EYS: variants seen among roughly 807,000 people sequenced by gnomAD.
The protein encoded by EYS is EGF-like photoreceptor maintenance factor.
In EYS, 250 loss-of-function variants were observed where a neutral mutation model predicts 282.1. The ratio of observed to expected loss-of-function variants is 0.89; its 90% CI spans 0.80 to 0.98. The LOEUF is 0.98. Among genes scored for constraint, EYS ranks in the 50% least tolerant of loss-of-function variants. The pLI is 0.00. For synonymous variants in EYS, 1,355 were observed against 1,282.9 expected, an observed-to-expected ratio of 1.06 and a Z score of -1.20; for missense variants, 4,016 against 3,709.0, an observed-to-expected ratio of 1.08 and a Z score of -2.15.
intron 2 of EYS, among the ~76,000 whole-genome samples, chr6:65,631,475 GAA>G (rs5876981): frequency 2.7e-4 from 38 of 143,320 alleles, no homozygotes; most frequent in African/African-American, 6.4e-4. Context: ...AACATGAATG[GAA>G]AAAAAAAAAA....
chr6:63,890,117 G>T (rs1773370595), intron 35 of EYS, among the ~76,000 whole-genome samples: 4 of 152,190 alleles, frequency 2.6e-5, no homozygotes, highest in African/African-American at 9.7e-5. Context: ...CATAAAGCAA[G>T]TTCCTAGAGA....
intron 8 of EYS, among the ~76,000 whole-genome samples, chr6:65,384,112 G>A (rs1283527212): frequency 3.3e-5 from 5 of 151,672 alleles, no homozygotes; most frequent in Non-Finnish European, 5.9e-5. Context: ...AGTAACTGGG[G>A]TTTTATATAC....
chr6:65,160,727 T>C (rs147868055), intron 12 of EYS, among the ~76,000 whole-genome samples: 1 of 151,048 alleles, frequency 6.6e-6, no homozygotes, highest in African/African-American at 2.4e-5. Flanking sequence ...AAATTATATT[T>C]CCTTAAAAAT....
intron 28 of EYS, among the ~76,000 whole-genome samples, chr6:64,391,202 C>T (rs1203514463): frequency 1.3e-5 from 2 of 151,874 alleles, no homozygotes; most frequent in East Asian, 1.9e-4. Flanking sequence ...AAACACTCTG[C>T]AGGATATTAT....
At chr6:63,825,403 T>A (rs541330575) in intron 36 of EYS, among the ~76,000 whole-genome samples, 11 of 152,268 alleles carry the variant, frequency 7.2e-5, no homozygotes, top group African/African-American at 2.4e-4. Flanking sequence ...CTATAGCTGT[T>A]CTGGAAAATG....
intron 22 of EYS, among the ~76,000 whole-genome samples, chr6:64,776,295 A>G (rs773737980): frequency 7.2e-5 from 11 of 152,070 alleles, no homozygotes; most frequent in Non-Finnish European, 1.6e-4. Context: ...GTTTCACAGG[A>G]TGAGTTTTAA....
intron 2 of EYS, among the ~76,000 whole-genome samples, chr6:65,600,742 A>G (rs1256313654): frequency 6.6e-6 from 1 of 152,008 alleles, no homozygotes; most frequent in Non-Finnish European, 1.5e-5. Context: ...TAATTATGTT[A>G]GTTGCATGAA....
At chr6:64,504,743 A>G (rs1312288053) in intron 26 of EYS, among the ~76,000 whole-genome samples, 3 of 152,208 alleles carry the variant, frequency 2.0e-5, no homozygotes, top group Non-Finnish European at 2.9e-5. Context: ...GCAACAGCAC[A>G]GATGTGAAAA....
At chr6:64,185,981 A>G (rs1019290239) in intron 31 of EYS, among the ~76,000 whole-genome samples, 9 of 152,186 alleles carry the variant, frequency 5.9e-5, no homozygotes, top group African/African-American at 1.9e-4. Context: ...GCTAAAAAGC[A>G]TCATTGTGAT....
chr6:63,878,278 G>A (rs1275614933), intron 35 of EYS, among the ~76,000 whole-genome samples: 1 of 152,194 alleles, frequency 6.6e-6, no homozygotes, highest in Non-Finnish European at 1.5e-5. Context: ...ACCAGTGGAG[G>A]CTGCAGAACA....
At chr6:64,860,277 G>T (rs1766195199) in intron 19 of EYS, among the ~76,000 whole-genome samples, 1 of 152,194 alleles carries the variant, frequency 6.6e-6, no homozygotes, top group Non-Finnish European at 1.5e-5. Context: ...CCCAAGTCTT[G>T]GTCAGGGCCA....
chr6:64,876,569 G>C (rs9345562), intron 19 of EYS, among the ~76,000 whole-genome samples: 23,561 of 152,050 alleles, frequency 0.15, 2,159 homozygotes, highest in East Asian at 0.49. Flanking sequence ...TGTTCAAGGA[G>C]ATTTAATTCA....
intron 35 of EYS, among the ~76,000 whole-genome samples, chr6:63,865,515 G>T (rs1772650749): frequency 6.6e-6 from 1 of 151,300 alleles, no homozygotes; most frequent in Non-Finnish European, 1.5e-5. Flanking sequence ...GCCATATACA[G>T]ATCTTAGGAG....
intron 22 of EYS, among the ~76,000 whole-genome samples, chr6:64,766,659 T>TATATATATATATATATATAA: frequency 1.9e-5 from 1 of 53,072 alleles, no homozygotes; most frequent in Non-Finnish European, 3.5e-5. Flanking sequence ...AATATATATA[T>TATATATATATATATATATAA]ATATATATAT....
chr6:63,994,733 A>G lies in EYS; in HGVS notation c.6834+4342T>C, dbSNP rs150098573. On this transcript the variant is annotated intron_variant, in intron 34 of 42. Coordinates refer to ENST00000503581, the MANE Select transcript of EYS (RefSeq NM_001142800.2). ...ATGATAATATTTTCAATGAATCAGTAAGACAATCAATAATATGTTTTCTTT... is the reference window on the plus strand; with the variant it reads ...ATGATAATATTTTCAATGAATCAGTGAGACAATCAATAATATGTTTTCTTT... Among the ~76,000 whole-genome samples the G allele has an allele frequency of 5.6e-4, 85 of 152,148 alleles. 3 individuals carry two copies. The highest frequency in any genetic ancestry group is 3.4e-3 in the Middle Eastern group (1 of 294).
chr6:64,192,539 T>C (rs903717114), intron 31 of EYS, among the ~76,000 whole-genome samples: 4 of 152,048 alleles, frequency 2.6e-5, no homozygotes, highest in African/African-American at 9.7e-5. Flanking sequence ...TATCTACAAC[T>C]ATCTGATCTT....
intron 35 of EYS, among the ~76,000 whole-genome samples, chr6:63,946,748 T>A (rs2149761757): frequency 6.7e-6 from 1 of 149,276 alleles, no homozygotes; most frequent in East Asian, 2.0e-4. Context: ...TTTTTTTGGC[T>A]ACATGAAAGA....
intron 22 of EYS, chr6:64,713,345 A>T (rs1431262147): frequency 6.6e-6 from 1 of 152,146 alleles, no homozygotes; most frequent in Non-Finnish European, 1.5e-5. Flanking sequence ...TAGTCTCAGC[A>T]TGGAATGTGA....
chr6:64,230,883 T>C, intron 30 of EYS, 59 bp from the exon 31 acceptor site: 1 of 981,256 alleles, frequency 1.0e-6, no homozygotes, highest in Non-Finnish European at 1.5e-6. Context: ...GGAACATAAA[T>C]AGAAATAATA....
Sources: gnomAD v4.1 joint callset for allele counts (sites outside exome capture counted in the v4.1 genomes callset) on GRCh38, gnomAD v4.1.1 for gene constraint, MANE v1.5 for transcripts, NCBI Gene and HGNC (gene_info 2026-07-23, HGNC 2026-07-21) for gene names.